IWS1: variants seen among roughly 807,000 people sequenced by gnomAD.
The protein encoded by IWS1 is protein IWS1 homolog.
A neutral mutation model predicts 86.7 loss-of-function variants in IWS1; 27 were observed. The ratio of observed to expected loss-of-function variants is 0.31; its 90% CI spans 0.23 to 0.43. The LOEUF is 0.43. Among genes scored for constraint, IWS1 ranks in the 20% least tolerant of loss-of-function variants. The pLI, the probability that IWS1 is intolerant of heterozygous loss-of-function variation, is 1.00. For missense variants in IWS1, 827 were observed against 1,000.8 expected (o/e 0.83, Z 2.34); for synonymous variants, 313 against 335.1 (o/e 0.93, Z 0.72).
In IWS1 at chr2:127,502,800, C is replaced by T; in HGVS notation, c.1467+15G>A. On this transcript the variant is annotated intron_variant, in intron 5 of 13. Coordinates refer to ENST00000295321, the MANE Select transcript of IWS1 (RefSeq NM_017969.3). ...AAGCACAATCAAGGAGGAAATATTTCCATCTTATACTTACTGTAAATTCTT... is the reference window on the plus strand; with the variant it reads ...AAGCACAATCAAGGAGGAAATATTTTCATCTTATACTTACTGTAAATTCTT... 7.0e-7 allele frequency: 1 copy of T among 1,421,130 alleles called. No homozygotes were observed. Among genetic ancestry groups the T allele is most frequent in the Non-Finnish European group, 9.9e-7 (1 of 1,012,810 alleles). 88.0% of individuals were successfully genotyped at this position (1,421,130 alleles called of 1,614,324 possible). A position where few individuals can be genotyped will look rare whatever the true frequency, so the allele number is the denominator to read the frequency against.
chr2:127,504,440 T>C (rs577048363), intron 3 of IWS1, among the ~76,000 whole-genome samples: 1 of 152,198 alleles, frequency 6.6e-6, no homozygotes. Flanking sequence ...TATATTCCTA[T>C]TGACATGTGG....
chr2:127,488,021 CCTGA>C (rs1303824117), intron 12 of IWS1: 6 of 152,446 alleles, frequency 3.9e-5, no homozygotes, highest in Admixed American at 3.9e-4. Flanking sequence ...CGGGATGCTG[CCTGA>C]CTACCAACAC....
chr2:127,510,162 T>C (rs1325705963), intron 2 of IWS1, among the ~76,000 whole-genome samples: 2 of 152,202 alleles, frequency 1.3e-5, no homozygotes, highest in Non-Finnish European at 2.9e-5. Context: ...TTCAAAAACA[T>C]GTTTCACGGG....
At chr2:127,492,315 C>T (rs1431660439) in intron 9 of IWS1, among the ~76,000 whole-genome samples, 1 of 152,088 alleles carries the variant, frequency 6.6e-6, no homozygotes, top group Non-Finnish European at 1.5e-5. Context: ...GAGGCTGAGG[C>T]GGGTGGATCA....
At chr2:127,481,262 A>T in intron 13 of IWS1, 87 bp from the exon 14 acceptor site, 1 of 1,252,874 alleles carries the variant, frequency 8.0e-7, no homozygotes, top group East Asian at 2.6e-5. Flanking sequence ...TGAGTTAGCA[A>T]CCAGAAGAGC....
At chr2:127,503,976 T>C (rs1573537048) in intron 3 of IWS1, among the ~76,000 whole-genome samples, 2 of 152,244 alleles carry the variant, frequency 1.3e-5, no homozygotes, top group East Asian at 3.8e-4. Flanking sequence ...TTTCTAGGAA[T>C]AGTCTCCATG....
chr2:127,521,944 C>T lies in IWS1; in HGVS notation c.150+1732G>A, dbSNP rs148100400. ...ACTGACCATGATTAATCTCTGAATG[C>T]TGTTTCCAAAGAGGAAACTTAAAAT... On this transcript the variant is annotated intron_variant, in intron 2 of 13. Transcript: ENST00000295321. 6.9e-3 allele frequency among the ~76,000 whole-genome samples: 1,044 copies of T among 152,344 alleles called. 14 individuals are homozygous for T. Among genetic ancestry groups the T allele is most frequent in the African/African-American group, 0.024 (1,005 of 41,572 alleles).
In IWS1 at chr2:127,503,696, ATAAATAAAT is replaced by A. The variant is rs1036900958; in HGVS notation, c.1220-129_1220-121del. ...AATAAATAAATAAATAAATAAATAA[ATAAATAAAT>A]AAAATAAAATCAGAGGGCCTCCTGA... On this transcript the variant is annotated intron_variant, in intron 3 of 13. Transcript: ENST00000295321. 4.8e-4 allele frequency: 172 copies of A among 358,652 alleles called. 2 individuals carry two copies. The highest frequency in any genetic ancestry group is 1.8e-3 in the Middle Eastern group (2 of 1,132). 22.2% of individuals were successfully genotyped at this position (358,652 alleles called of 1,614,324 possible). A position where few individuals can be genotyped will look rare whatever the true frequency, so the allele number is the denominator to read the frequency against.
chr2:127,512,993 C>A (rs998092093), intron 2 of IWS1, among the ~76,000 whole-genome samples: 2 of 152,190 alleles, frequency 1.3e-5, no homozygotes, highest in Non-Finnish European at 2.9e-5. Context: ...TAAAACCCAG[C>A]ACTTTGGGAG....
At chr2:127,494,388 A>G (rs1690403863) in intron 8 of IWS1, 1 of 152,648 alleles carries the variant, frequency 6.6e-6, no homozygotes, top group Non-Finnish European at 1.5e-5. Flanking sequence ...GCCTTCAGGT[A>G]GGATCTTCCA....
chr2:127,507,646 C>A (rs535206909), intron 2 of IWS1, among the ~76,000 whole-genome samples: 1 of 152,162 alleles, frequency 6.6e-6, no homozygotes, highest in Non-Finnish European at 1.5e-5. Flanking sequence ...TAAAAGAATG[C>A]AGATGGAAAA....
At chr2:127,494,265 A>G (rs1690395061) in intron 8 of IWS1, among the ~76,000 whole-genome samples, 1 of 144,470 alleles carries the variant, frequency 6.9e-6, no homozygotes, top group Non-Finnish European at 1.6e-5. Flanking sequence ...AAAAAAAAAA[A>G]AGCAAATCAA....
chr2:127,515,997 G>A (rs919897092), intron 2 of IWS1, among the ~76,000 whole-genome samples: 3 of 152,124 alleles, frequency 2.0e-5, no homozygotes, highest in African/African-American at 7.2e-5. Context: ...CTTAAAGAAG[G>A]CTCTACCTTG....
At chr2:127,509,435 G>A (rs578234786) in intron 2 of IWS1, among the ~76,000 whole-genome samples, 54 of 152,228 alleles carry the variant, frequency 3.5e-4, no homozygotes, top group Non-Finnish European at 6.8e-4. Context: ...GCCGCCGGGC[G>A]CAGTGGCTCA....
intron 5 of IWS1, among the ~76,000 whole-genome samples, chr2:127,500,230 CAAAAT>C (rs1286260787): frequency 2.0e-5 from 3 of 152,050 alleles, no homozygotes; most frequent in Non-Finnish European, 4.4e-5. Context: ...AAAGAAGTAA[CAAAAT>C]GAAAGGTATT....
intron 12 of IWS1, among the ~76,000 whole-genome samples, chr2:127,488,904 A>G (rs927474974): frequency 6.6e-6 from 1 of 152,194 alleles, no homozygotes; most frequent in African/African-American, 2.4e-5. Context: ...TTGAGAGCAT[A>G]GACTATTTTT....
intron 6 of IWS1, 39 bp downstream of exon 6, chr2:127,498,101 T>G: frequency 6.7e-7 from 1 of 1,484,532 alleles, no homozygotes; most frequent in Non-Finnish European, 9.3e-7. Context: ...CCTTGATTTT[T>G]AAACTTCTCT....
Position 127,502,585 on chromosome 2 carries a change from T to C in IWS1, c.1467+230A>G, listed in dbSNP as rs11890544. On this transcript the variant is annotated intron_variant, in intron 5 of 13. Transcript: ENST00000295321. ...TTTAGCATTATAAAGTGACTTTCTT[T>C]GTCTCAAAGTGTCCCTTCCCCCTTA... 1,241 of 334,546 alleles carry C rather than the reference T, an allele frequency of 3.7e-3. 17 individuals carry two copies. Among genetic ancestry groups the C allele is most frequent in the African/African-American group, 0.024 (1,157 of 47,314 alleles). The allele number at this position is 334,546 out of a possible 1,614,324, so 20.7% of individuals were successfully genotyped here. A position where few individuals can be genotyped will look rare whatever the true frequency, so the allele number is the denominator to read the frequency against.
intron 3 of IWS1, 59 bp downstream of exon 3, chr2:127,504,625 A>G: frequency 8.4e-7 from 1 of 1,186,054 alleles, no homozygotes; most frequent in Non-Finnish European, 1.2e-6. Flanking sequence ...AATGTTCCAC[A>G]GTTACAAGCT....
Sources: gnomAD v4.1 joint callset for allele counts (sites outside exome capture counted in the v4.1 genomes callset) on GRCh38, gnomAD v4.1.1 for gene constraint, MANE v1.5 for transcripts, NCBI Gene and HGNC (gene_info 2026-07-23, HGNC 2026-07-21) for gene names.